Variants in NAIP observed in about 807,000 individuals in gnomAD.
NAIP encodes the protein baculoviral IAP repeat-containing protein 1.
A neutral mutation model predicts 23.0 loss-of-function variants in NAIP; 15 were observed. That is an observed-to-expected ratio of 0.65 (90% CI 0.44 to 1.00). NAIP has a LOEUF of 1.00. NAIP is among the 50% of genes least tolerant of loss of function. The pLI is 0.00. For synonymous variants in NAIP, 100 were observed against 100.2 expected, an observed-to-expected ratio of 1.00 and a Z score of 0.01; for missense variants, 265 against 278.8, an observed-to-expected ratio of 0.95 and a Z score of 0.35.
At chr5:71,009,823 T>C (rs893572639) in intron 5 of NAIP, among the ~76,000 whole-genome samples, 1 of 151,636 alleles carries the variant, frequency 6.6e-6, no homozygotes, top group Non-Finnish European at 1.5e-5. Context: ...ACAGTGAAAG[T>C]TTAAAAACTT....
chr5:71,010,393 C>A (rs1751092878), intron 5 of NAIP, among the ~76,000 whole-genome samples: 1 of 151,528 alleles, frequency 6.6e-6, no homozygotes, highest in Admixed American at 6.6e-5. Context: ...CTCAGCCTCC[C>A]AAGTAGCTGG....
chr5:71,008,177 C>T (rs1275084546), intron 5 of NAIP, among the ~76,000 whole-genome samples: 1 of 145,818 alleles, frequency 6.9e-6, no homozygotes, highest in East Asian at 2.1e-4. Flanking sequence ...TCAAGCAATT[C>T]TCCTGCCTCA....
chr5:71,011,860 G>A, intron 4 of NAIP: 1 of 311,406 alleles, frequency 3.2e-6, no homozygotes, highest in South Asian at 3.2e-5. Flanking sequence ...GCATAAAGTA[G>A]GTACAGTACT....
intron 4 of NAIP, chr5:71,011,591 T>G: frequency 1.8e-6 from 1 of 554,466 alleles, no homozygotes; most frequent in Non-Finnish European, 3.2e-6. Context: ...TGTAACTCAA[T>G]ATCCTGCCCC....
At position 71,012,622 on chromosome 5, in the gene NAIP, G is replaced by C. The variant is rs973954393; in HGVS notation, c.294C>G (p.Phe98Leu). 6.2e-7 allele frequency: 1 copy of C among 1,612,006 alleles called. No individual in the cohort carries two copies. Among genetic ancestry groups the C allele is most frequent in the Non-Finnish European group, 8.5e-7 (1 of 1,178,534 alleles). The change falls in exon 4 of 17, where the codon TTC (phenylalanine) becomes TTG (leucine). Residue 98 changes from phenylalanine (F) to leucine (L), a missense_variant. Physicochemically the swap from Phe to Leu is conservative, Grantham distance 22. Transcript: ENST00000517649. ...FTGVKSGIQCFCCSLILFGAG... is the reference protein window; with the variant it reads ...FTGVKSGIQCLCCSLILFGAG... ...CACCAAAGAGGATTAGGCTACAGCAGAAGCACTGAATCCCAGATTTTACCC... is the reference window on the plus strand; with the variant it reads ...CACCAAAGAGGATTAGGCTACAGCACAAGCACTGAATCCCAGATTTTACCC...
At position 71,012,770 on chromosome 5, in the gene NAIP, A is replaced by C. The variant is rs1449258146; in HGVS notation, c.146T>G (p.Met49Arg). 38 of 1,611,756 alleles carry C rather than the reference A, an allele frequency of 2.4e-5. 1 individual carries two copies. Among genetic ancestry groups the C allele is most frequent in the Non-Finnish European group, 3.1e-5 (37 of 1,178,502 alleles). ...CATTTGAGAGTTGTAGCCTTTCTGC[A>C]TTTTTGCTCGCTCCTTCTGCTCCTC... ...EEEEQKERAK[M>R]QKGYNSQMRS... Residue 49 changes from methionine to arginine, a missense_variant, in exon 4 of 17, where the codon ATG (methionine) becomes AGG (arginine). Around this residue, in one of 2 missense-constraint regions of NAIP, gnomAD observed 261 missense variants for 259.2 expected, o/e 1.01. Transcript: ENST00000517649.
rs530235512 is a variant in NAIP, at chr5:71,012,991, C to T, written c.-3-73G>A. The T allele has an allele frequency of 6.5e-5, 84 of 1,300,562 alleles. 1 individual carries two copies. Among genetic ancestry groups the T allele is most frequent in the South Asian group, 6.3e-4 (41 of 65,134 alleles). The allele number at this position is 1,300,562 out of a possible 1,614,324, so 80.6% of individuals were successfully genotyped here. The stretch of plus-strand genomic sequence containing the variant: ...TTAGAAGAGCATTTCCCACTGTTTC[C>T]GAAGAAACCAGGAATTAAAGGAATG... On this transcript the variant is annotated intron_variant, in intron 3 of 16. Coordinates refer to ENST00000517649, the MANE Select transcript of NAIP (RefSeq NM_004536.3).
chr5:71,010,523 T>G (rs1037734013), intron 5 of NAIP, among the ~76,000 whole-genome samples: 3 of 151,518 alleles, frequency 2.0e-5, no homozygotes, highest in African/African-American at 7.3e-5. Flanking sequence ...GGCCTCAGCC[T>G]CCCAAAGTGC....
Position 71,008,238 on chromosome 5 carries a change from T to A in NAIP, c.668+3037A>T, listed in dbSNP as rs567834137. ...GTGCCTGCCACCACGCCTGGCCAATTTTTGTATTTTTAATAGAGACAGGGT... is the reference window on the plus strand; with the variant it reads ...GTGCCTGCCACCACGCCTGGCCAATATTTGTATTTTTAATAGAGACAGGGT... On this transcript the variant is annotated intron_variant, in intron 5 of 16. Coordinates refer to ENST00000517649, the MANE Select transcript of NAIP (RefSeq NM_004536.3). 4.1e-3 allele frequency among the ~76,000 whole-genome samples: 606 copies of A among 147,420 alleles called. 11 individuals are homozygous for A. Among genetic ancestry groups the A allele is most frequent in the African/African-American group, 0.015 (583 of 40,122 alleles).
intron 3 of NAIP, among the ~76,000 whole-genome samples, chr5:71,015,350 A>T (rs1433550485): frequency 6.7e-6 from 1 of 149,760 alleles, no homozygotes; most frequent in Non-Finnish European, 1.5e-5. Flanking sequence ...CTCACTGTAC[A>T]TTTCATGAAA....
chr5:71,015,204 C>T (rs918723552), intron 3 of NAIP, among the ~76,000 whole-genome samples: 53 of 151,418 alleles, frequency 3.5e-4, no homozygotes, highest in African/African-American at 1.2e-3. Flanking sequence ...TAGTGAGATC[C>T]TTGTCTCTAC....
chr5:71,010,026 G>A (rs1751072353), intron 5 of NAIP, among the ~76,000 whole-genome samples: 2 of 151,630 alleles, frequency 1.3e-5, no homozygotes, highest in African/African-American at 4.8e-5. Context: ...AGCAGTACAT[G>A]AAACCATTTG....
Position 71,008,057 on chromosome 5 carries a change from C to T in NAIP, c.668+3218G>A, listed in dbSNP as rs1480214981. 4.6e-5 allele frequency among the ~76,000 whole-genome samples: 6 copies of T among 129,564 alleles called. No homozygotes were observed. The South Asian group carries it at 8.1e-4, about 17-fold the overall frequency. 85.0% of individuals were successfully genotyped at this position (129,564 alleles called of 152,430 possible). On this transcript the variant is annotated intron_variant, in intron 5 of 16. Transcript: ENST00000517649. ...GGGATCACAGGTGTGAGCCACTGTG[C>T]CCAGCCTTTTTTTTTTTTTTTTTTT...
At chr5:71,009,717 C>T (rs908786109) in intron 5 of NAIP, among the ~76,000 whole-genome samples, 12 of 151,292 alleles carry the variant, frequency 7.9e-5, no homozygotes, top group African/African-American at 2.9e-4. Context: ...GTTATTATTT[C>T]CAGGAAAAAA....
chr5:71,011,447 T>C (rs965078733), intron 4 of NAIP, 73 bp from the exon 5 acceptor site: 46 of 1,250,948 alleles, frequency 3.7e-5, no homozygotes, highest in Non-Finnish European at 5.2e-5. Flanking sequence ...TTGATTGTTT[T>C]GTTCAGGAGC....
At chr5:71,014,441 C>A (rs1388978911) in intron 3 of NAIP, among the ~76,000 whole-genome samples, 1 of 151,436 alleles carries the variant, frequency 6.6e-6, no homozygotes, top group Non-Finnish European at 1.5e-5. Flanking sequence ...GCCACCACAC[C>A]CAGCCTAGCC....
rs1168929885 is a variant in NAIP, at chr5:71,012,358, A to C, written c.558T>G (p.Phe186Leu). 6.2e-7 allele frequency: 1 copy of C among 1,603,382 alleles called. No homozygotes were observed. Among genetic ancestry groups the C allele is most frequent in the African/African-American group, 1.3e-5 (1 of 74,578 alleles). The change falls in exon 4 of 17, where the codon TTT becomes TTG. Residue 186 changes from phenylalanine (F) to leucine (L), a missense_variant. By Grantham distance (22) the Phe-to-Leu change is conservative. Transcript: ENST00000517649. ...ISPCVLSEAG[F>L]VFTGKQDTVQ... is the part of the protein sequence containing the mutation. Reference sequence around the variant, plus strand: ...ATAATTTCAAGGTACCTGTAAAGACAAAGCCAGCCTCTGAGAGCACACAAG... The same window carrying C: ...ATAATTTCAAGGTACCTGTAAAGACCAAGCCAGCCTCTGAGAGCACACAAG...
intron 3 of NAIP, among the ~76,000 whole-genome samples, chr5:71,017,302 A>G (rs1751489063): frequency 1.7e-5 from 1 of 58,948 alleles, no homozygotes; most frequent in Non-Finnish European, 4.0e-5. Flanking sequence ...TATCCACACC[A>G]ATGTAAATGT....
rs1025468913 is a variant in NAIP, at chr5:71,014,037, G to C, written c.-3-1119C>G. Among the ~76,000 whole-genome samples the C allele has an allele frequency of 1.3e-5, 2 of 150,976 alleles. 1 individual carries two copies. The highest frequency in any genetic ancestry group is 4.9e-5 in the African/African-American group (2 of 41,088). ...TTTTCGTGCCTTTTTCCTCTGTCTT[G>C]TAGCTAGCAACTTAATTTTGGTTGT... On this transcript the variant is annotated intron_variant, in intron 3 of 16. Coordinates refer to ENST00000517649, the MANE Select transcript of NAIP (RefSeq NM_004536.3).
Sources: gnomAD v4.1 joint callset for allele counts (sites outside exome capture counted in the v4.1 genomes callset) on GRCh38, gnomAD v4.1.1 for gene constraint, gnomAD v4.1.1 regional missense constraint, MANE v1.5 for transcripts, NCBI Gene and HGNC (gene_info 2026-07-23, HGNC 2026-07-21) for gene names.